Variants in DOCK10 observed in about 807,000 individuals in gnomAD.
DOCK10 encodes the protein dedicator of cytokinesis protein 10.
DOCK10 carries 145 observed loss-of-function variants against 280.1 expected under a neutral mutation model. That is an observed-to-expected ratio of 0.52 (90% CI 0.45 to 0.59). The LOEUF (loss-of-function observed/expected upper bound fraction) is 0.59. Among genes scored for constraint, DOCK10 ranks in the 20% least tolerant of loss-of-function variants. The pLI, the probability that DOCK10 is intolerant of heterozygous loss-of-function variation, is 0.00. For missense variants in DOCK10, 2,368 were observed against 2,651.7 expected, an observed-to-expected ratio of 0.89 and a Z score of 2.35; for synonymous variants, 915 against 942.2, an observed-to-expected ratio of 0.97 and a Z score of 0.53.
intron 19 of DOCK10, among the ~76,000 whole-genome samples, chr2:224,847,316 G>A (rs1696430723): frequency 6.6e-6 from 1 of 152,122 alleles, no homozygotes. Context: ...ACATGTTAGG[G>A]GGCTCTGAGT....
intron 50 of DOCK10, among the ~76,000 whole-genome samples, chr2:224,778,723 T>C (rs77238952): frequency 2.6e-4 from 40 of 152,212 alleles, no homozygotes; most frequent in African/African-American, 3.9e-4. Context: ...TAAGAAATGG[T>C]GTATGGCATG....
chr2:224,955,157 C>T (rs1312287199), intron 1 of DOCK10, among the ~76,000 whole-genome samples: 1 of 152,178 alleles, frequency 6.6e-6, no homozygotes, highest in Non-Finnish European at 1.5e-5. Context: ...ATTCAAACTA[C>T]TCATTACCTT....
Position 224,999,534 on chromosome 2 carries a change from T to C in DOCK10, c.123+42718A>G, listed in dbSNP as rs563639411. On this transcript the variant is annotated intron_variant, in intron 1 of 55. Coordinates refer to ENST00000258390, the MANE Select transcript of DOCK10 (RefSeq NM_014689.3). ...CTCTCCCCTCTTTCCTTATTTTCTC[T>C]ATTTAATGAAAATTTACTGACTGCT... is the stretch of plus-strand genomic sequence containing the variant. 2.0e-5 allele frequency among the ~76,000 whole-genome samples: 3 copies of C among 149,566 alleles called. 1 individual carries two copies. The East Asian group carries it at 6.1e-4, about 30-fold the overall frequency.
At chr2:224,874,877 C>T in intron 8 of DOCK10, 126 bp from the exon 9 acceptor site, 1 of 772,704 alleles carries the variant, frequency 1.3e-6, no homozygotes, top group East Asian at 2.5e-5. Context: ...CCTAAGCTTT[C>T]ATTGTGTTCT....
At chr2:224,915,691 C>T (rs1360760502) in intron 3 of DOCK10, among the ~76,000 whole-genome samples, 1 of 152,156 alleles carries the variant, frequency 6.6e-6, no homozygotes, top group African/African-American at 2.4e-5. Context: ...AACTTAGATT[C>T]CACTACTTTC....
In DOCK10 at chr2:224,787,056, A is replaced by G; in HGVS notation, c.5621T>C (p.Phe1874Ser). 6.2e-7 allele frequency: 1 copy of G among 1,613,974 alleles called. No homozygotes were observed. Among genetic ancestry groups the G allele is most frequent in the Non-Finnish European group, 8.5e-7 (1 of 1,179,864 alleles). Residue 1874 changes from phenylalanine to serine, a missense_variant, in exon 50 of 56, where the codon TTT (phenylalanine) becomes TCT (serine). Phe to Ser is a radical substitution (Grantham distance 155). Coordinates refer to ENST00000258390, the MANE Select transcript of DOCK10 (RefSeq NM_014689.3). ...AAATGCCACACGATAGTAGCGACCA[A>G]ACAGCCGCTTCTCCGAATTCACCAC... Reference protein sequence around the residue: ...AEVVNSEKRLFGRYYRVAFYG... With the variant: ...AEVVNSEKRLSGRYYRVAFYG...
intron 1 of DOCK10, among the ~76,000 whole-genome samples, chr2:224,990,099 G>T (rs1706085416): frequency 6.6e-6 from 1 of 152,062 alleles, no homozygotes; most frequent in Non-Finnish European, 1.5e-5. Context: ...TTCTACCTTT[G>T]GCATTGATGC....
At chr2:225,035,504 T>G (rs1017151223) in intron 1 of DOCK10, among the ~76,000 whole-genome samples, 2 of 138,078 alleles carry the variant, frequency 1.4e-5, no homozygotes, top group African/African-American at 2.6e-5. Context: ...TTTCACTCAA[T>G]ATCATATCAA....
At chr2:225,000,201 C>T (rs1306073204) in intron 1 of DOCK10, among the ~76,000 whole-genome samples, 3 of 125,744 alleles carry the variant, frequency 2.4e-5, no homozygotes, top group Non-Finnish European at 3.5e-5. Flanking sequence ...CACACACACA[C>T]ACAGACACAC....
In DOCK10 at chr2:224,845,292, C is replaced by T. The variant is rs200000068; in HGVS notation, c.2392G>A (p.Asp798Asn). Residue 798 changes from aspartate to asparagine, a missense_variant, in exon 21 of 56, where the codon GAT becomes AAT. Coordinates refer to ENST00000258390, the MANE Select transcript of DOCK10 (RefSeq NM_014689.3). ...TTGTACTCTTGAGAAGCTATCTGAT[C>T]GTGTTTCATCAGAGGAAGCCAAGCA... is the stretch of plus-strand genomic sequence containing the variant. ...GYAWLPLMKH[D>N]QIASQEYNIP... 5.7e-6 allele frequency: 9 copies of T among 1,589,488 alleles called. No homozygotes were observed. In the East Asian group the frequency reaches 1.1e-4, roughly 20 times the overall value.
chr2:224,963,964 A>C (rs1405982530), intron 1 of DOCK10, among the ~76,000 whole-genome samples: 5 of 151,448 alleles, frequency 3.3e-5, no homozygotes, highest in Admixed American at 3.3e-4. Context: ...GCTAAACTAC[A>C]ATCACATGTT....
rs375357151 is a variant in DOCK10 at position 224,823,640 on chromosome 2, C to T, written c.3044G>A (p.Arg1015Gln). 2.1e-5 allele frequency: 33 copies of T among 1,590,354 alleles called. No individual in the cohort carries two copies. The highest frequency in any genetic ancestry group is 5.5e-5 in the Admixed American group (3 of 54,700). ...GTAAGATTCAGGAAATCTCTGAGGC[C>T]GGGGAAGCTAAGGAAAGAACGGATT... ...LIDTNKIQLP[R>Q]PQRFPESYQN... The change falls in exon 28 of 56, where the codon CGG (arginine) becomes CAG (glutamine). Residue 1015 changes from arginine to glutamine, a missense_variant. Arg to Gln is a conservative substitution (Grantham distance 43). This residue lies in a region of DOCK10 where 1,209 missense variants were observed against 1,250.9 expected (regional missense o/e 0.97). Transcript: ENST00000258390.
In DOCK10 at chr2:224,778,275, C is replaced by T; in HGVS notation, c.5665G>A (p.Glu1889Lys). The change falls in exon 51 of 56, where the codon GAA (glutamate) becomes AAA (lysine). Residue 1889 changes from glutamate to lysine, a missense_variant. Glu to Lys is a moderately conservative substitution (Grantham distance 56, BLOSUM62 1). Transcript: ENST00000258390. Reference sequence around the variant, plus strand: ...ATATACTCTTTACCTTCTTCTTCTTCAAAAAAGCCCTATGGAACATAATGA... The same window carrying T: ...ATATACTCTTTACCTTCTTCTTCTTTAAAAAAGCCCTATGGAACATAATGA... ...RVAFYGQGFF[E>K]EEEGKEYIYK... is the part of the protein sequence containing the mutation. The T allele has an allele frequency of 2.5e-6, 4 of 1,600,854 alleles. No individual in the cohort carries two copies. The highest frequency in any genetic ancestry group is 3.4e-6 in the Non-Finnish European group (4 of 1,173,046).
At chr2:224,826,440 T>A (rs1354309435) in intron 27 of DOCK10, among the ~76,000 whole-genome samples, 2 of 151,948 alleles carry the variant, frequency 1.3e-5, no homozygotes. Flanking sequence ...ACCAGATATC[T>A]CCCCTGACTT....
rs187658870 is a variant in DOCK10 at position 224,863,915 on chromosome 2, A to G, written c.1602+638T>C. ...ATTATAATTTGATTTACAATTATTTATCTCACTTTGTTCATCATCAGCATT... is the reference window on the plus strand; with the variant it reads ...ATTATAATTTGATTTACAATTATTTGTCTCACTTTGTTCATCATCAGCATT... On this transcript the variant is annotated intron_variant, in intron 13 of 55. Coordinates refer to ENST00000258390, the MANE Select transcript of DOCK10 (RefSeq NM_014689.3). 1.6e-4 allele frequency among the ~76,000 whole-genome samples: 24 copies of G among 152,342 alleles called. No individual in the cohort carries two copies. In the East Asian group the frequency reaches 3.5e-3, roughly 22 times the overall value.
At chr2:224,794,593 C>T (rs571189865) in intron 45 of DOCK10, among the ~76,000 whole-genome samples, 1 of 152,328 alleles carries the variant, frequency 6.6e-6, no homozygotes, top group South Asian at 2.1e-4. Flanking sequence ...GACACCCTTA[C>T]CACACCCCTC....
At chr2:224,875,860 G>A (rs549477949) in intron 8 of DOCK10, among the ~76,000 whole-genome samples, 178 bp downstream of exon 8, 1 of 152,288 alleles carries the variant, frequency 6.6e-6, no homozygotes, top group African/African-American at 2.4e-5. Flanking sequence ...TTGTACTTAT[G>A]TGTGGTGGCC....
chr2:225,004,391 G>A (rs1220636051), intron 1 of DOCK10, among the ~76,000 whole-genome samples: 1 of 152,242 alleles, frequency 6.6e-6, no homozygotes, highest in Non-Finnish European at 1.5e-5. Context: ...GGCAAGGCAG[G>A]ATTTGCCCCT....
intron 16 of DOCK10, among the ~76,000 whole-genome samples, chr2:224,853,770 T>C (rs1245851222): frequency 6.6e-6 from 1 of 152,244 alleles, no homozygotes; most frequent in Non-Finnish European, 1.5e-5. Flanking sequence ...AAGCCTGAAG[T>C]TGTGGTACTG....
Sources: gnomAD v4.1 joint callset for allele counts (sites outside exome capture counted in the v4.1 genomes callset) on GRCh38, gnomAD v4.1.1 for gene constraint, gnomAD v4.1.1 regional missense constraint, MANE v1.5 for transcripts, NCBI Gene and HGNC (gene_info 2026-07-23, HGNC 2026-07-21) for gene names.